CDC73: variants seen among roughly 807,000 people sequenced by gnomAD.
CDC73 encodes the protein cell division cycle 73.
Under a neutral mutation model 83.7 loss-of-function variants are expected in CDC73, and 21 were observed. The observed-to-expected ratio is 0.25, with a 90% CI of 0.18 to 0.36. CDC73 has a LOEUF of 0.36. Among genes scored for constraint, CDC73 ranks in the 10% least tolerant of loss-of-function variants. The probability of loss-of-function intolerance (pLI) is 1.00; values close to 1 mark genes in which losing one functional copy is unlikely to be tolerated. For synonymous variants in CDC73, 224 were observed against 212.9 expected, an observed-to-expected ratio of 1.05 and a Z score of -0.45; for missense variants, 342 against 653.3, an observed-to-expected ratio of 0.52 and a Z score of 5.19.
Position 193,251,324 on chromosome 1 carries a change from A to G in CDC73, c.*612A>G. ...AATGATTACATTTAAATGAATGTAC[A>G]TTCTTCTCACTGACTTTGGTGATTT... On this transcript the variant is annotated 3_prime_UTR_variant, in exon 17 of 17. Coordinates refer to ENST00000367435, the MANE Select transcript of CDC73 (RefSeq NM_024529.5). 1 of 232,032 alleles carries G rather than the reference A, an allele frequency of 4.3e-6. No homozygotes were observed. The highest frequency in any genetic ancestry group is 6.1e-5 in the East Asian group (1 of 16,348). 14.4% of individuals were successfully genotyped at this position (232,032 alleles called of 1,614,324 possible).
intron 2 of CDC73, among the ~76,000 whole-genome samples, 159 bp from the exon 3 acceptor site, chr1:193,130,015 T>C (rs1217688802): frequency 6.6e-6 from 1 of 152,232 alleles, no homozygotes; most frequent in Non-Finnish European, 1.5e-5. Flanking sequence ...TTCAGGATTT[T>C]TATTAGGTTC....
At chr1:193,176,644 A>G (rs1676607270) in intron 10 of CDC73, among the ~76,000 whole-genome samples, 2 of 152,196 alleles carry the variant, frequency 1.3e-5, no homozygotes, top group South Asian at 4.1e-4. Flanking sequence ...TGCCTTAGAA[A>G]TGTCTGTCAA....
intron 5 of CDC73, among the ~76,000 whole-genome samples, chr1:193,135,993 C>T (rs540053802): frequency 2.0e-5 from 3 of 151,798 alleles, no homozygotes; most frequent in South Asian, 2.1e-4. Flanking sequence ...CTCAGCCTCC[C>T]GAGTAGTTGG....
At chr1:193,129,076 C>G (rs1159773037) in intron 2 of CDC73, among the ~76,000 whole-genome samples, 1 of 150,614 alleles carries the variant, frequency 6.6e-6, no homozygotes, top group Non-Finnish European at 1.5e-5. Flanking sequence ...CGGCTTACTG[C>G]AACCTCTGCC....
chr1:193,143,201 A>G (rs796198359), intron 7 of CDC73, among the ~76,000 whole-genome samples: 2 of 152,146 alleles, frequency 1.3e-5, no homozygotes, highest in African/African-American at 4.8e-5. Flanking sequence ...TAAGGTTGAG[A>G]TTAAGAATCA....
intron 10 of CDC73, among the ~76,000 whole-genome samples, chr1:193,185,279 A>G (rs1676785801): frequency 6.6e-6 from 1 of 152,104 alleles, no homozygotes; most frequent in Non-Finnish European, 1.5e-5. Flanking sequence ...GCTATTTAAA[A>G]TAGTTAATTT....
chr1:193,179,891 A>AT (rs1676681315), intron 10 of CDC73: 1 of 153,048 alleles, frequency 6.5e-6, no homozygotes, highest in Non-Finnish European at 1.5e-5. Flanking sequence ...GTGATGTTTT[A>AT]TTTACATTAA....
intron 5 of CDC73, among the ~76,000 whole-genome samples, chr1:193,137,130 T>G (rs1675815687): frequency 6.6e-6 from 1 of 152,222 alleles, no homozygotes; most frequent in African/African-American, 2.4e-5. Context: ...GTTTCTGATT[T>G]GATAAAAATC....
intron 2 of CDC73, among the ~76,000 whole-genome samples, chr1:193,127,466 A>C (rs1312201184): frequency 2.0e-5 from 3 of 152,196 alleles, no homozygotes; most frequent in African/African-American, 7.2e-5. Context: ...ATAAGGGGAA[A>C]AAAATAGCAC....
chr1:193,230,383 A>G (rs1283331441), intron 13 of CDC73, among the ~76,000 whole-genome samples: 1 of 151,072 alleles, frequency 6.6e-6, no homozygotes, highest in Non-Finnish European at 1.5e-5. Flanking sequence ...CTGACCTCAA[A>G]TGATCCACCC....
At chr1:193,232,873 A>G (rs879299559) in intron 13 of CDC73, 120 bp from the exon 14 acceptor site, 1 of 805,412 alleles carries the variant, frequency 1.2e-6, no homozygotes. Context: ...ACTGCACTCT[A>G]GCCTGGGCAA....
At position 193,250,798 on chromosome 1, in the gene CDC73, G is replaced by C. The variant is rs1678032615; in HGVS notation, c.*86G>C. On this transcript the variant is annotated 3_prime_UTR_variant, in exon 17 of 17. Coordinates refer to ENST00000367435, the MANE Select transcript of CDC73 (RefSeq NM_024529.5). ...TTAAAAATGAAGAAGGTCACAGATT[G>C]ATCTTTTATAAGACCTTATTTGATG... is the stretch of plus-strand genomic sequence containing the variant. 8.4e-7 allele frequency: 1 copy of C among 1,190,548 alleles called. No homozygotes were observed. The highest frequency in any genetic ancestry group is 1.5e-5 in the African/African-American group (1 of 66,512). The allele number at this position is 1,190,548 out of a possible 1,614,324, so 73.7% of individuals were successfully genotyped here.
chr1:193,250,033 T>C (rs373602956), intron 16 of CDC73, among the ~76,000 whole-genome samples, 162 bp downstream of exon 16: 2 of 152,102 alleles, frequency 1.3e-5, no homozygotes, highest in South Asian at 4.1e-4. Flanking sequence ...TTTTTTATTG[T>C]ATAATTACTT....
chr1:193,122,379 C>T (rs1435338308), intron 1 of CDC73, 48 bp downstream of exon 1: 4 of 1,612,502 alleles, frequency 2.5e-6, no homozygotes, highest in Non-Finnish European at 3.4e-6. Flanking sequence ...CAGAGTTGGG[C>T]GCCCCCAGGC....
chr1:193,158,055 A>G (rs1486550230), intron 10 of CDC73, among the ~76,000 whole-genome samples: 1 of 151,496 alleles, frequency 6.6e-6, no homozygotes, highest in Non-Finnish European at 1.5e-5. Flanking sequence ...AAATGTAGGC[A>G]ACTATATAGC....
intron 10 of CDC73, among the ~76,000 whole-genome samples, chr1:193,195,283 C>T (rs1195874762): frequency 1.3e-5 from 2 of 151,978 alleles, no homozygotes; most frequent in Admixed American, 6.6e-5. Context: ...CAGCCTATTT[C>T]GTTTAGCGTA....
rs770313192 is a variant in CDC73 at position 193,122,171 on chromosome 1, C to T, written c.-30C>T. The T allele has an allele frequency of 1.0e-4, 164 of 1,610,684 alleles. No homozygotes were observed. The highest frequency in any genetic ancestry group is 1.4e-4 in the Non-Finnish European group (161 of 1,177,804). On this transcript the variant is annotated 5_prime_UTR_variant, in exon 1 of 17. Coordinates refer to ENST00000367435, the MANE Select transcript of CDC73 (RefSeq NM_024529.5). ...GCAGGCGCGGCGGCAGCGGCGGCGCCCCGAGCCGGCGGAGGCGAGGGGGGG... is the reference window on the plus strand; with the variant it reads ...GCAGGCGCGGCGGCAGCGGCGGCGCTCCGAGCCGGCGGAGGCGAGGGGGGG...
At chr1:193,232,020 G>A (rs1416372464) in intron 13 of CDC73, among the ~76,000 whole-genome samples, 2 of 152,062 alleles carry the variant, frequency 1.3e-5, no homozygotes, top group Non-Finnish European at 2.9e-5. Context: ...GTGAACACTA[G>A]CAAATTTTAC....
intron 10 of CDC73, among the ~76,000 whole-genome samples, chr1:193,156,360 C>T (rs530628440): frequency 1.4e-4 from 21 of 152,220 alleles, no homozygotes; most frequent in African/African-American, 4.3e-4. Context: ...TTCATTTTTG[C>T]GGAAGCATCT....
Sources: allele counts gnomAD v4.1 joint callset (sites outside exome capture counted in the v4.1 genomes callset), GRCh38; gene constraint gnomAD v4.1.1; transcripts MANE v1.5; gene names NCBI Gene and HGNC (gene_info 2026-07-23, HGNC 2026-07-21).